The following HDAC8 variants were observed in gnomAD, a reference collection of about 807,000 sequenced individuals.
HDAC8 encodes histone deacetylase-like 1.
HDAC8 carries 1 observed loss-of-function variant against 32.2 expected under a neutral mutation model. The observed-to-expected ratio is 0.03, with a 90% CI of 0.01 to 0.15. The LOEUF (loss-of-function observed/expected upper bound fraction) is 0.15. Among genes scored for constraint, HDAC8 ranks in the 10% least tolerant of loss-of-function variants. The pLI is 1.00. For missense variants in HDAC8, 117 were observed against 300.0 expected, an observed-to-expected ratio of 0.39 and a Z score of 4.51; for synonymous variants, 108 against 113.9, an observed-to-expected ratio of 0.95 and a Z score of 0.33.
intron 9 of HDAC8, among the ~76,000 whole-genome samples, chrX:72,382,135 A>C (rs782100890): frequency 1.8e-5 from 2 of 112,846 alleles, no homozygotes; most frequent in Non-Finnish European, 3.7e-5. Flanking sequence ...CTGTCTGCAC[A>C]GTGCAGTGTA....
intron 4 of HDAC8, among the ~76,000 whole-genome samples, chrX:72,513,429 G>T (rs2147339105): frequency 9.2e-6 from 1 of 109,201 alleles, no homozygotes; most frequent in East Asian, 2.9e-4. Context: ...GGGTTCAAGT[G>T]ATTCTTCTGC....
At chrX:72,548,076 A>C (rs1390529985) in intron 4 of HDAC8, among the ~76,000 whole-genome samples, 1 of 112,040 alleles carries the variant, frequency 8.9e-6, no homozygotes, top group Non-Finnish European at 1.9e-5. Context: ...CCCTACGTTC[A>C]GCCTATGCCT....
At chrX:72,571,853 G>A (rs781932662) in intron 2 of HDAC8, 40 of 374,117 alleles carry the variant, frequency 1.1e-4, no homozygotes, top group Admixed American at 6.6e-4. Flanking sequence ...ACAGGCGTGA[G>A]CCATGCTCTC....
intron 4 of HDAC8, among the ~76,000 whole-genome samples, chrX:72,507,502 C>T (rs1849890705): frequency 8.9e-6 from 1 of 111,918 alleles, no homozygotes; most frequent in Non-Finnish European, 1.9e-5. Context: ...AGTGACCATC[C>T]TACACTGACA....
rs370824346 is a variant in HDAC8 at position 72,387,934 on chromosome X, T to C, written c.1006-36096A>G. Among the ~76,000 whole-genome samples, 6 of 109,510 alleles carry C rather than the reference T, an allele frequency of 5.5e-5. No homozygotes were observed. In the East Asian group the frequency reaches 1.7e-3, roughly 32 times the overall value. ...TATTATAGGATCGCAGGGAAAGGAG[T>C]GATAAACTATGGAGGGGAGGGGTGG... is the stretch of plus-strand genomic sequence containing the variant. On this transcript the variant is annotated intron_variant, in intron 9 of 10. Transcript: ENST00000373573.
chrX:72,490,056 C>A (rs2048811037), intron 6 of HDAC8, among the ~76,000 whole-genome samples: 1 of 111,240 alleles, frequency 9.0e-6, no homozygotes. Flanking sequence ...CAATGAGACA[C>A]CATCTCACAC....
intron 10 of HDAC8, among the ~76,000 whole-genome samples, chrX:72,338,656 T>TA (rs1569225896): frequency 3.4e-4 from 32 of 93,246 alleles, no homozygotes; most frequent in African/African-American, 1.1e-3. Context: ...TATATATATA[T>TA]TTATAAATAT....
intron 4 of HDAC8, among the ~76,000 whole-genome samples, chrX:72,533,021 T>C (rs2050401532): frequency 2.7e-5 from 3 of 111,788 alleles, no homozygotes. Flanking sequence ...TTTGATCTAT[T>C]TTGACTTAAC....
At chrX:72,346,358 C>A (rs1333108465) in intron 10 of HDAC8, among the ~76,000 whole-genome samples, 1 of 112,081 alleles carries the variant, frequency 8.9e-6, no homozygotes, top group Non-Finnish European at 1.9e-5. Flanking sequence ...AACTTATCCT[C>A]ATGGCTTCTC....
At chrX:72,488,686 G>A (rs782408978) in intron 7 of HDAC8, among the ~76,000 whole-genome samples, 5 of 111,482 alleles carry the variant, frequency 4.5e-5, no homozygotes. Flanking sequence ...AAAAAGCTCT[G>A]CTCTTGGGAT....
chrX:72,462,767 G>A (rs1194243070), intron 8 of HDAC8, among the ~76,000 whole-genome samples: 1 of 111,348 alleles, frequency 9.0e-6, no homozygotes, highest in Non-Finnish European at 1.9e-5. Context: ...TTTTTGTGCT[G>A]AATAGATGTG....
intron 9 of HDAC8, among the ~76,000 whole-genome samples, chrX:72,431,412 T>C (rs1019319027): frequency 3.6e-5 from 4 of 111,750 alleles, no homozygotes; most frequent in African/African-American, 1.3e-4. Flanking sequence ...TATACCACTT[T>C]CCCCAACCCT....
chrX:72,384,631 T>C (rs141548080), intron 9 of HDAC8, among the ~76,000 whole-genome samples: 85 of 112,014 alleles, frequency 7.6e-4, no homozygotes, highest in African/African-American at 2.6e-3. Flanking sequence ...CTGACAATAA[T>C]TGCAAAAAGT....
intron 7 of HDAC8, among the ~76,000 whole-genome samples, chrX:72,488,385 T>C (rs2048751845): frequency 9.0e-6 from 1 of 110,947 alleles, no homozygotes; most frequent in South Asian, 3.8e-4. Flanking sequence ...ACTCTAGTGG[T>C]CCACACATTG....
At chrX:72,516,535 C>G (rs2049810216) in intron 4 of HDAC8, among the ~76,000 whole-genome samples, 1 of 111,231 alleles carries the variant, frequency 9.0e-6, no homozygotes, top group African/African-American at 3.3e-5. Flanking sequence ...AAGAACCTGC[C>G]TGAGTACTTA....
intron 7 of HDAC8, among the ~76,000 whole-genome samples, chrX:72,485,625 A>G (rs2048646028): frequency 9.0e-6 from 1 of 111,077 alleles, no homozygotes; most frequent in African/African-American, 3.3e-5. Context: ...GGAAAAGACA[A>G]GACAAGAAAA....
At position 72,538,479 on chromosome X, in the gene HDAC8, C is replaced by T. The variant is rs782473186; in HGVS notation, c.437+29410G>A. Reference sequence around the variant, plus strand: ...GATTACAGGTGTGAGCTACTGCTCTCGGTCCCTTGGTTCTTATATTTAAAC... The same window carrying T: ...GATTACAGGTGTGAGCTACTGCTCTTGGTCCCTTGGTTCTTATATTTAAAC... On this transcript the variant is annotated intron_variant, in intron 4 of 10. Coordinates refer to ENST00000373573, the MANE Select transcript of HDAC8 (RefSeq NM_018486.3). Among the ~76,000 whole-genome samples the T allele has an allele frequency of 7.2e-5, 8 of 111,522 alleles. 1 individual carries two copies. Among genetic ancestry groups the T allele is most frequent in the South Asian group, 3.8e-4 (1 of 2,603 alleles).
At chrX:72,572,134 AAAAAG>A (rs782677095) in intron 1 of HDAC8, 25 bp from the exon 2 acceptor site, 12 of 1,163,479 alleles carry the variant, frequency 1.0e-5, no homozygotes, top group East Asian at 9.2e-5. Context: ...GTAAAAAAAA[AAAAAG>A]AAAAGCAGAA....
At chrX:72,502,645 G>A (rs1216379226) in intron 4 of HDAC8, among the ~76,000 whole-genome samples, 4 of 111,299 alleles carry the variant, frequency 3.6e-5, no homozygotes, top group East Asian at 5.6e-4. Context: ...TATTTTGGCC[G>A]GGCGTGGTGG....
Sources: gnomAD v4.1 joint callset for allele counts (sites outside exome capture counted in the v4.1 genomes callset) on GRCh38, gnomAD v4.1.1 for gene constraint, MANE v1.5 for transcripts, NCBI Gene and HGNC (gene_info 2026-07-23, HGNC 2026-07-21) for gene names.